The following CFAP70 variants were observed in gnomAD, a reference collection of about 807,000 sequenced individuals.
CFAP70 encodes cilia and flagella associated protein 70, also known as cilia- and flagella-associated protein 70.
CFAP70 carries 81 observed loss-of-function variants against 137.6 expected under a neutral mutation model. That is an observed-to-expected ratio of 0.59 (90% CI 0.49 to 0.71). The LOEUF (loss-of-function observed/expected upper bound fraction) is 0.71, where lower values mean the gene tolerates loss of function less well. Ranked by LOEUF, CFAP70 falls within the 30% of genes least tolerant of loss-of-function variation. The pLI, the probability that CFAP70 is intolerant of heterozygous loss-of-function variation, is 0.00. For synonymous variants in CFAP70, 382 were observed against 423.6 expected, an observed-to-expected ratio of 0.90 and a Z score of 1.20; for missense variants, 976 against 1,226.7, an observed-to-expected ratio of 0.80 and a Z score of 3.05.
At chr10:73,351,091 ATATATATATATATATATATATG>A (rs2054221544) in intron 3 of CFAP70, among the ~76,000 whole-genome samples, 1 of 105,044 alleles carries the variant, frequency 9.5e-6, no homozygotes, top group Non-Finnish European at 1.9e-5. Context: ...ATATATATAT[ATATATATATATATATATATATG>A]TATGTTTTGT....
At chr10:73,313,046 A>G (rs760868950) in intron 9 of CFAP70, among the ~76,000 whole-genome samples, 14 of 152,128 alleles carry the variant, frequency 9.2e-5, no homozygotes, top group Non-Finnish European at 2.1e-4. Context: ...TAAAATAGTG[A>G]GACTTCATCT....
At chr10:73,312,196 G>A (rs539769987) in intron 10 of CFAP70, among the ~76,000 whole-genome samples, 12 of 152,142 alleles carry the variant, frequency 7.9e-5, no homozygotes, top group East Asian at 1.9e-4. Flanking sequence ...GGGGCCTGTC[G>A]GGGGTAAGGG....
chr10:73,323,199 TCA>T (rs2051036473), intron 8 of CFAP70, 102 bp from the exon 10 acceptor site: 1 of 1,139,732 alleles, frequency 8.8e-7, no homozygotes, highest in African/African-American at 1.6e-5. Context: ...AGAAACTAAC[TCA>T]ACTACTTAGC....
chr10:73,319,514 G>A (rs1248419856), intron 9 of CFAP70, among the ~76,000 whole-genome samples: 2 of 152,140 alleles, frequency 1.3e-5, no homozygotes, highest in African/African-American at 4.8e-5. Context: ...AAACCAATGT[G>A]TAACTTGCAT....
At chr10:73,262,076 T>TGTA (rs36020354) in intron 25 of CFAP70, among the ~76,000 whole-genome samples, 14,965 of 145,954 alleles carry the variant, frequency 0.1, 1,110 homozygotes, top group East Asian at 0.28. Context: ...TATGTATATA[T>TGTA]TATATATGTA....
intron 19 of CFAP70, among the ~76,000 whole-genome samples, chr10:73,282,105 GGGGA>G (rs200990932): frequency 0.11 from 16,839 of 151,006 alleles, 1,287 homozygotes; most frequent in East Asian, 0.3. Context: ...TATTGAGGCT[GGGGA>G]AGGCTGGGGA....
At chr10:73,303,666 T>C (rs1324161989) in intron 12 of CFAP70, among the ~76,000 whole-genome samples, 3 of 152,170 alleles carry the variant, frequency 2.0e-5, no homozygotes, top group Non-Finnish European at 4.4e-5. Context: ...TAAACCACAG[T>C]TTTTAAAGTA....
Position 73,279,523 on chromosome 10 carries a change from C to CAATAAATAAATA in CFAP70, c.2240-1198_2240-1187dup, listed in dbSNP as rs35709122. Among the ~76,000 whole-genome samples the CAATAAATAAATA allele has an allele frequency of 4.0e-3, 517 of 129,392 alleles. 1 individual carries two copies. Among genetic ancestry groups the CAATAAATAAATA allele is most frequent in the East Asian group, 6.4e-3 (27 of 4,246 alleles). The allele number at this position is 129,392 out of a possible 152,430, so 84.9% of individuals were successfully genotyped here. On this transcript the variant is annotated intron_variant, in intron 19 of 26. Transcript: ENST00000310715. The stretch of plus-strand genomic sequence containing the variant: ...TGGGCGACAGAGCAAGACTCTGTCT[C>CAATAAATAAATA]AATAAATAAATAAATAAATAAATAA...
intron 25 of CFAP70, among the ~76,000 whole-genome samples, chr10:73,259,959 C>A (rs929494417): frequency 6.6e-6 from 1 of 151,204 alleles, no homozygotes; most frequent in African/African-American, 2.4e-5. Context: ...CCTAGAAGGT[C>A]GAGGCAGCAA....
At chr10:73,355,411 G>C (rs938153068) in intron 1 of CFAP70, among the ~76,000 whole-genome samples, 1 of 152,172 alleles carries the variant, frequency 6.6e-6, no homozygotes, top group African/African-American at 2.4e-5. Context: ...ATCACCCCCA[G>C]ATAGGACTGT....
intron 12 of CFAP70, among the ~76,000 whole-genome samples, chr10:73,309,898 C>G (rs1029175475): frequency 6.6e-6 from 1 of 151,856 alleles, no homozygotes; most frequent in Non-Finnish European, 1.5e-5. Flanking sequence ...CTCAGGCAAT[C>G]CCCCCCACCT....
intron 8 of CFAP70, among the ~76,000 whole-genome samples, chr10:73,327,983 A>AC (rs1301217350): frequency 1.3e-5 from 2 of 152,196 alleles, no homozygotes; most frequent in African/African-American, 2.4e-5. Context: ...AATTGGAAAA[A>AC]ACTACTTTAA....
intron 12 of CFAP70, among the ~76,000 whole-genome samples, chr10:73,306,445 A>C (rs1031561138): frequency 1.8e-4 from 28 of 152,214 alleles, no homozygotes; most frequent in Non-Finnish European, 8.8e-5. Flanking sequence ...TATCAAAAAC[A>C]GCAACAGAGG....
chr10:73,356,752 C>T (rs2054711731), intron 1 of CFAP70, among the ~76,000 whole-genome samples: 1 of 152,162 alleles, frequency 6.6e-6, no homozygotes. Flanking sequence ...ATTTGAAATG[C>T]CCTTTTGTAT....
At chr10:73,299,064 G>C (rs781583581) in exon 14 of CFAP70, 1 of 1,613,778 alleles carries the variant, frequency 6.2e-7, no homozygotes, top group South Asian at 1.1e-5. Flanking sequence ...AATGGCTCTA[G>C]AAATATTCTT....
chr10:73,338,912 G>A (rs1217094618), intron 6 of CFAP70, among the ~76,000 whole-genome samples: 1 of 150,296 alleles, frequency 6.7e-6, no homozygotes, highest in African/African-American at 2.5e-5. Flanking sequence ...TACACCAAGG[G>A]ATCACTATAC....
At chr10:73,253,780 C>T, downstream of CFAP70, 1 of 474,806 alleles carries the variant, frequency 2.1e-6, no homozygotes, top group South Asian at 5.0e-5. Context: ...TTCATATCTC[C>T]ATTTTTTTAT....
upstream of CFAP70, among the ~76,000 whole-genome samples, chr10:73,359,859 A>C (rs2054937496): frequency 6.6e-6 from 1 of 152,020 alleles, no homozygotes; most frequent in South Asian, 2.1e-4. Flanking sequence ...CAGTGTTGGG[A>C]GGAGTCTACA....
At chr10:73,304,283 AC>A (rs2049197061) in intron 12 of CFAP70, among the ~76,000 whole-genome samples, 1 of 152,012 alleles carries the variant, frequency 6.6e-6, no homozygotes, top group Non-Finnish European at 1.5e-5. Context: ...CGAACTCCTG[AC>A]CTCAGGTGAT....
Sources: gnomAD v4.1 joint callset for allele counts (sites outside exome capture counted in the v4.1 genomes callset) on GRCh38, gnomAD v4.1.1 for gene constraint, MANE v1.5 for transcripts, NCBI Gene and HGNC (gene_info 2026-07-23, HGNC 2026-07-21) for gene names.